The following PIAS2 variants were observed in gnomAD, a reference collection of about 807,000 sequenced individuals.
PIAS2 encodes protein inhibitor of activated STAT 2, also known as E3 SUMO-protein ligase PIAS2.
A neutral mutation model predicts 69.7 loss-of-function variants in PIAS2; 19 were observed. The observed-to-expected ratio is 0.27, with a 90% CI of 0.19 to 0.40. PIAS2 has a LOEUF of 0.40. PIAS2 is among the 10% of genes least tolerant of loss of function. The probability of loss-of-function intolerance (pLI) is 1.00; values close to 1 mark genes in which losing one functional copy is unlikely to be tolerated. For missense variants in PIAS2, 624 were observed against 757.0 expected, an observed-to-expected ratio of 0.82 and a Z score of 2.06; for synonymous variants, 261 against 263.2, an observed-to-expected ratio of 0.99 and a Z score of 0.08.
chr18:46,836,645 C>A, intron 8 of PIAS2, 128 bp from the exon 9 acceptor site: 1 of 636,174 alleles, frequency 1.6e-6, no homozygotes, highest in Non-Finnish European at 2.7e-6. Context: ...AAATCCAAAT[C>A]AGAATGTATT....
chr18:46,836,264 T>C, intron 9 of PIAS2, 93 bp downstream of exon 9: 1 of 904,002 alleles, frequency 1.1e-6, no homozygotes, highest in Non-Finnish European at 1.8e-6. Context: ...GTAGAATTTA[T>C]TTAGAATTTA....
intron 12 of PIAS2, chr18:46,818,343 TC>T: frequency 6.7e-7 from 1 of 1,499,134 alleles, no homozygotes; most frequent in Non-Finnish European, 8.9e-7. Flanking sequence ...TGTTTTCCAC[TC>T]CATAAATACA....
Position 46,805,734 on chromosome 18 carries a change from G to C in PIAS2, c.*6699C>G, listed in dbSNP as rs1388461167. The stretch of plus-strand genomic sequence containing the variant: ...TGGCCTAGGAAGGGATCAGTGACTG[G>C]GGCGTGACTAGAACATAATACAGAA... On this transcript the variant is annotated 3_prime_UTR_variant, in exon 14 of 14. Transcript: ENST00000585916. 1 of 152,184 alleles carries C rather than the reference G, an allele frequency of 6.6e-6. No individual in the cohort carries two copies. Among genetic ancestry groups the C allele is most frequent in the Admixed American group, 6.5e-5 (1 of 15,276 alleles). The allele number at this position is 152,184 out of a possible 1,614,324, so 9.4% of individuals were successfully genotyped here. A position where few individuals can be genotyped will look rare whatever the true frequency, so the allele number is the denominator to read the frequency against.
At chr18:46,850,778 G>A (rs2046847431) in intron 5 of PIAS2, among the ~76,000 whole-genome samples, 2 of 152,092 alleles carry the variant, frequency 1.3e-5, no homozygotes, top group South Asian at 4.1e-4. Context: ...ATTATGAATT[G>A]TGGAATAATG....
intron 8 of PIAS2, among the ~76,000 whole-genome samples, chr18:46,837,858 T>C (rs559702086): frequency 1.3e-5 from 2 of 152,218 alleles, no homozygotes; most frequent in African/African-American, 4.8e-5. Flanking sequence ...GATCTTATGC[T>C]CCAAAAAGAC....
intron 11 of PIAS2, among the ~76,000 whole-genome samples, chr18:46,824,082 C>G (rs72907128): frequency 0.057 from 8,749 of 152,214 alleles, 304 homozygotes; most frequent in Non-Finnish European, 0.081. Flanking sequence ...TGCAAGTGAC[C>G]ATTTATATTT....
intron 2 of PIAS2, among the ~76,000 whole-genome samples, chr18:46,875,093 CTA>C (rs1480655999): frequency 1.3e-5 from 2 of 152,190 alleles, no homozygotes; most frequent in African/African-American, 4.8e-5. Context: ...ACCTTGTCAT[CTA>C]TGTGACTCAA....
chr18:46,845,197 T>C (rs569068124), intron 6 of PIAS2, among the ~76,000 whole-genome samples: 53 of 152,294 alleles, frequency 3.5e-4, no homozygotes, highest in Non-Finnish European at 5.3e-4. Context: ...CTAACCAAAA[T>C]CATTCTGCTT....
intron 1 of PIAS2, among the ~76,000 whole-genome samples, chr18:46,911,143 C>A (rs1034763765): frequency 3.3e-5 from 5 of 151,890 alleles, no homozygotes; most frequent in African/African-American, 9.7e-5. Context: ...ACATGAGAAC[C>A]CATTATAATA....
rs2040820018 is a variant in PIAS2, at chr18:46,808,537, A to G, written c.*3896T>C. Reference sequence around the variant, plus strand: ...GCAGAGAAATGCTTAATTTTCTTCTACCTGTTTCACCACATTCATGTAGAA... The same window carrying G: ...GCAGAGAAATGCTTAATTTTCTTCTGCCTGTTTCACCACATTCATGTAGAA... On this transcript the variant is annotated 3_prime_UTR_variant, in exon 14 of 14. Coordinates refer to ENST00000585916, the MANE Select transcript of PIAS2 (RefSeq NM_004671.5). The G allele has an allele frequency of 6.6e-6, 1 of 152,204 alleles. No individual in the cohort carries two copies. The highest frequency in any genetic ancestry group is 1.5e-5 in the Non-Finnish European group (1 of 68,048). 9.4% of individuals were successfully genotyped at this position (152,204 alleles called of 1,614,324 possible). A position where few individuals can be genotyped will look rare whatever the true frequency, so the allele number is the denominator to read the frequency against.
At chr18:46,907,325 C>G (rs1487979216) in intron 1 of PIAS2, among the ~76,000 whole-genome samples, 1 of 152,172 alleles carries the variant, frequency 6.6e-6, no homozygotes, top group Non-Finnish European at 1.5e-5. Context: ...TTCAAAGGAG[C>G]TTGACATCAT....
At chr18:46,815,766 G>A in intron 12 of PIAS2, 1 of 999,994 alleles carries the variant, frequency 1.0e-6, no homozygotes, top group Non-Finnish European at 1.2e-6. Flanking sequence ...GTTCATCTAA[G>A]TATCGCTTCT....
intron 12 of PIAS2, chr18:46,817,269 A>C: frequency 1.0e-6 from 1 of 984,668 alleles, no homozygotes; most frequent in Non-Finnish European, 1.2e-6. Context: ...ATGGTGTTGG[A>C]ATATTGTGTA....
chr18:46,909,454 C>G (rs2057008367), intron 1 of PIAS2, among the ~76,000 whole-genome samples: 1 of 152,082 alleles, frequency 6.6e-6, no homozygotes, highest in Non-Finnish European at 1.5e-5. Context: ...CACCATTTTA[C>G]CCAGGCTGGT....
chr18:46,897,300 G>A (rs1193569437), intron 1 of PIAS2, among the ~76,000 whole-genome samples: 1 of 152,060 alleles, frequency 6.6e-6, no homozygotes, highest in African/African-American at 2.4e-5. Context: ...GCAGGTCTGG[G>A]GCAGGAAATG....
At chr18:46,833,146 G>A (rs976952287) in intron 9 of PIAS2, among the ~76,000 whole-genome samples, 11 of 152,126 alleles carry the variant, frequency 7.2e-5, no homozygotes, top group African/African-American at 2.7e-4. Context: ...ATTTCCAACA[G>A]CCCCAAAACA....
chr18:46,818,607 T>G (rs1324804794), intron 12 of PIAS2, among the ~76,000 whole-genome samples: 1 of 151,962 alleles, frequency 6.6e-6, no homozygotes, highest in African/African-American at 2.4e-5. Flanking sequence ...ACTAACTACA[T>G]AAAAATTATG....
intron 1 of PIAS2, among the ~76,000 whole-genome samples, chr18:46,896,165 C>CAAAA (rs1199712335): frequency 1.3e-3 from 40 of 31,772 alleles, no homozygotes; most frequent in Non-Finnish European, 1.6e-3. Flanking sequence ...AAGAAAAAAG[C>CAAAA]AAAAAAAAAA....
In PIAS2 at chr18:46,805,004, C is replaced by T. The variant is rs1459548810; in HGVS notation, c.*7429G>A. On this transcript the variant is annotated 3_prime_UTR_variant, in exon 14 of 14. Transcript: ENST00000585916. ...GTCAGTTGGCCTTAAAGGCCTACCT[C>T]ATTCTCTGAAACTGGAAACAAAAAA... 1 of 152,228 alleles carries T rather than the reference C, an allele frequency of 6.6e-6. No individual in the cohort carries two copies. Among genetic ancestry groups the T allele is most frequent in the African/African-American group, 2.4e-5 (1 of 41,442 alleles). 9.4% of individuals were successfully genotyped at this position (152,228 alleles called of 1,614,324 possible).
Sources: allele counts gnomAD v4.1 joint callset (sites outside exome capture counted in the v4.1 genomes callset), GRCh38; gene constraint gnomAD v4.1.1; transcripts MANE v1.5; gene names NCBI Gene and HGNC (gene_info 2026-07-23, HGNC 2026-07-21).